Variants in MYO9B observed in about 807,000 individuals in gnomAD.
The protein encoded by MYO9B is myosin IXB.
Under a neutral mutation model 229.5 loss-of-function variants are expected in MYO9B, and 71 were observed. That is an observed-to-expected ratio of 0.31 (90% confidence interval 0.26 to 0.38). MYO9B has a LOEUF of 0.38. MYO9B is among the 10% of genes least tolerant of loss of function. The pLI is 1.00. For synonymous variants in MYO9B, 1,185 were observed against 1,235.8 expected, an observed-to-expected ratio of 0.96 and a Z score of 0.86; for missense variants, 2,255 against 2,920.5, an observed-to-expected ratio of 0.77 and a Z score of 5.25.
Position 17,202,149 on chromosome 19 carries a change from GCTACAAGGATCTGATGGAGAA to G in MYO9B, c.4687_4707del (p.Lys1563_Tyr1569del). ...CTACAGAACGGGAAGATCCACGTGG[GCTACAAGGATCTGATGGAGAA>G]CTACCAGATCGTCGTCAGCAACCTG... On this transcript the variant is annotated inframe_deletion, in exon 28 of 40. Transcript: ENST00000682292. 1 of 1,613,822 alleles carries G rather than the reference GCTACAAGGATCTGATGGAGAA, an allele frequency of 6.2e-7. No individual in the cohort carries two copies. The highest frequency in any genetic ancestry group is 8.5e-7 in the Non-Finnish European group (1 of 1,179,816).
At chr19:17,085,549 G>A (rs1356254412) in intron 1 of MYO9B, among the ~76,000 whole-genome samples, 1 of 151,984 alleles carries the variant, frequency 6.6e-6, no homozygotes, top group African/African-American at 2.4e-5. Flanking sequence ...TCTAGCCAGG[G>A]GCAGTGGCTC....
intron 2 of MYO9B, among the ~76,000 whole-genome samples, chr19:17,129,671 T>C (rs1870069): frequency 0.7 from 105,947 of 152,124 alleles, 37,461 homozygotes; most frequent in African/African-American, 0.81. Context: ...GCAGGTCTGC[T>C]TCTTAAAGGA....
chr19:17,200,497 A>G (rs752042563), intron 25 of MYO9B, 71 bp downstream of exon 25: 38 of 1,521,422 alleles, frequency 2.5e-5, no homozygotes, highest in East Asian at 1.2e-4. Flanking sequence ...ACTGTCCCCA[A>G]ACGGGGCCTT....
intron 2 of MYO9B, among the ~76,000 whole-genome samples, chr19:17,105,319 CAAAAA>C (rs36000160): frequency 2.8e-5 from 2 of 71,660 alleles, no homozygotes; most frequent in Non-Finnish European, 5.3e-5. Context: ...CTGTCTCTAC[CAAAAA>C]AAAAAAAAAA....
At chr19:17,159,336 C>T in intron 7 of MYO9B, 59 bp from the exon 8 acceptor site, 4 of 1,451,632 alleles carry the variant, frequency 2.8e-6, no homozygotes, top group East Asian at 2.5e-5. Context: ...GATACCAGGA[C>T]ATGCCTGATA....
chr19:17,110,513 C>T (rs929232470), intron 2 of MYO9B, among the ~76,000 whole-genome samples: 2 of 152,354 alleles, frequency 1.3e-5, no homozygotes, highest in South Asian at 2.1e-4. Flanking sequence ...GCACTCGCCT[C>T]GGTGCCCTTC....
At position 17,173,454 on chromosome 19, in the gene MYO9B, G is replaced by A. The variant is rs544360684; in HGVS notation, c.2140+491G>A. ...CAAGTAGCTGGGACTACAGGTTACCGCCACCACATAGGCTAATTTTTGTAT... is the reference window on the plus strand; with the variant it reads ...CAAGTAGCTGGGACTACAGGTTACCACCACCACATAGGCTAATTTTTGTAT... On this transcript the variant is annotated intron_variant, in intron 13 of 39. Transcript: ENST00000682292. Among the ~76,000 whole-genome samples the A allele has an allele frequency of 4.6e-5, 7 of 151,954 alleles. No homozygotes were observed. The South Asian group carries it at 8.3e-4, about 18-fold the overall frequency.
At chr19:17,112,442 G>A (rs758544330) in intron 2 of MYO9B, among the ~76,000 whole-genome samples, 5 of 152,202 alleles carry the variant, frequency 3.3e-5, no homozygotes, top group Admixed American at 1.3e-4. Context: ...GGAGCAGGGC[G>A]GACGGGCCGG....
chr19:17,188,345 C>A (rs1177325230), intron 19 of MYO9B, among the ~76,000 whole-genome samples: 1 of 148,534 alleles, frequency 6.7e-6, no homozygotes, highest in African/African-American at 2.5e-5. Context: ...AGGAGGATCC[C>A]TTGAATCCAG....
intron 6 of MYO9B, among the ~76,000 whole-genome samples, chr19:17,155,096 T>TCATTTCAGCTCGGG (rs1376713941): frequency 6.6e-6 from 1 of 152,168 alleles, no homozygotes; most frequent in Non-Finnish European, 1.5e-5. Flanking sequence ...TTGTACCGCT[T>TCATTTCAGCTCGGG]CATTTCAGCT....
chr19:17,207,071 C>T, intron 34 of MYO9B, 42 bp from the exon 35 acceptor site: 1 of 1,602,604 alleles, frequency 6.2e-7, no homozygotes, highest in Middle Eastern at 2.0e-4. Context: ...GTACCTCCCT[C>T]CCTCGGCCCT....
intron 1 of MYO9B, among the ~76,000 whole-genome samples, chr19:17,077,305 G>A (rs1002984586): frequency 1.3e-5 from 2 of 152,196 alleles, no homozygotes; most frequent in African/African-American, 4.8e-5. Context: ...AGCTCATTCA[G>A]GAGATGAACC....
In MYO9B at chr19:17,191,154, G is replaced by A. The variant is rs529504128; in HGVS notation, c.2746G>A (p.Val916Ile). ...LPKDAQPCRE[V>I]ISTLLEKMKI... ...CAAGGATGCCCAGCCCTGCAGGGAG[G>A]TCATCTCCACCCTCCTGGAGAAAAT... is the stretch of plus-strand genomic sequence containing the variant. Residue 916 changes from valine (V) to isoleucine (I), a missense_variant, in exon 20 of 40, where the codon GTC (valine) becomes ATC (isoleucine). By Grantham distance (29) the Val-to-Ile change is conservative. Transcript: ENST00000682292. 7 of 1,612,592 alleles carry A rather than the reference G, an allele frequency of 4.3e-6. No homozygotes were observed. In the East Asian group the frequency reaches 1.6e-4, roughly 36 times the overall value.
intron 2 of MYO9B, among the ~76,000 whole-genome samples, chr19:17,111,374 T>G (rs1441542280): frequency 6.6e-6 from 1 of 152,226 alleles, no homozygotes; most frequent in East Asian, 1.9e-4. Flanking sequence ...CCTATTTACT[T>G]ATTTATAAAT....
intron 16 of MYO9B, 173 bp from the exon 17 acceptor site, chr19:17,184,692 C>T (rs1201067538): frequency 2.1e-5 from 16 of 757,398 alleles, no homozygotes; most frequent in Non-Finnish European, 3.3e-5. Flanking sequence ...AAACCCACCT[C>T]ATTCCACTGG....
chr19:17,163,198 T>C, intron 10 of MYO9B, 76 bp downstream of exon 10: 1 of 1,456,604 alleles, frequency 6.9e-7, no homozygotes, highest in Non-Finnish European at 9.3e-7. Context: ...ATCTTAACCA[T>C]TTGTAAATAT....
At chr19:17,153,699 A>G (rs2072506025) in intron 4 of MYO9B, among the ~76,000 whole-genome samples, 1 of 105,136 alleles carries the variant, frequency 9.5e-6, no homozygotes, top group Non-Finnish European at 2.0e-5. Context: ...GTATCTCAAA[A>G]AAAAAAAAAA....
At chr19:17,181,317 C>G (rs1209639333) in intron 15 of MYO9B, among the ~76,000 whole-genome samples, 3 of 152,240 alleles carry the variant, frequency 2.0e-5, no homozygotes, top group Non-Finnish European at 4.4e-5. Context: ...CGCAAACGTG[C>G]CATCCTCCGT....
intron 3 of MYO9B, among the ~76,000 whole-genome samples, chr19:17,146,595 A>G (rs952156053): frequency 5.9e-5 from 9 of 152,074 alleles, no homozygotes; most frequent in Non-Finnish European, 4.4e-5. Flanking sequence ...GGATTCATGG[A>G]TGGAGAGATA....
Sources: gnomAD v4.1 joint callset for allele counts (sites outside exome capture counted in the v4.1 genomes callset) on GRCh38, gnomAD v4.1.1 for gene constraint, MANE v1.5 for transcripts, NCBI Gene and HGNC (gene_info 2026-07-23, HGNC 2026-07-21) for gene names.